The following LUZP2 variants were observed in gnomAD, a reference collection of about 807,000 sequenced individuals.
The protein encoded by LUZP2 is leucine zipper protein 2.
Under a neutral mutation model 51.6 loss-of-function variants are expected in LUZP2, and 52 were observed. That is an observed-to-expected ratio of 1.01 (90% confidence interval 0.81 to 1.27). The LOEUF (loss-of-function observed/expected upper bound fraction) is 1.27, where lower values mean the gene tolerates loss of function less well. Among genes scored for constraint, LUZP2 ranks in the 50% most tolerant of loss-of-function variants. The pLI is 0.00. For synonymous variants in LUZP2, 154 were observed against 137.3 expected, an observed-to-expected ratio of 1.12 and a Z score of -0.85; for missense variants, 436 against 395.4, an observed-to-expected ratio of 1.10 and a Z score of -0.87.
rs554682596 is a variant in LUZP2 at position 24,577,746 on chromosome 11, A to G, written c.62+80441A>G. On this transcript the variant is annotated intron_variant, in intron 1 of 11. Coordinates refer to ENST00000336930, the MANE Select transcript of LUZP2 (RefSeq NM_001009909.4). ...TCTAATTTACCCCCACCCCAGATTTATGAACTAATGATTGCTATTACACCT... is the reference window on the plus strand; with the variant it reads ...TCTAATTTACCCCCACCCCAGATTTGTGAACTAATGATTGCTATTACACCT... Among the ~76,000 whole-genome samples, 12 of 152,252 alleles carry G rather than the reference A, an allele frequency of 7.9e-5. No homozygotes were observed. In the East Asian group the frequency reaches 2.3e-3, roughly 29 times the overall value.
chr11:25,014,823 C>T (rs576771690), intron 9 of LUZP2, among the ~76,000 whole-genome samples: 77 of 152,096 alleles, frequency 5.1e-4, no homozygotes, highest in Non-Finnish European at 8.1e-4. Flanking sequence ...GAAGTCCTTG[C>T]CCATGCCTAT....
intron 3 of LUZP2, among the ~76,000 whole-genome samples, chr11:24,735,426 G>A (rs1286035515): frequency 6.6e-6 from 1 of 151,838 alleles, no homozygotes; most frequent in Admixed American, 6.6e-5. Context: ...ATGTCCTTGA[G>A]CAAAAGAGAA....
At chr11:24,826,477 A>G (rs555356858) in intron 5 of LUZP2, among the ~76,000 whole-genome samples, 11 of 151,740 alleles carry the variant, frequency 7.2e-5, no homozygotes, top group African/African-American at 1.7e-4. Context: ...GTAAATTCAC[A>G]GAACACTAGA....
intron 1 of LUZP2, among the ~76,000 whole-genome samples, chr11:24,543,823 CAAAAA>C (rs71041774): frequency 1.3e-5 from 1 of 75,592 alleles, no homozygotes; most frequent in African/African-American, 5.9e-5. Flanking sequence ...CTCTGTCTCA[CAAAAA>C]AAAAAAAAAA....
At position 24,607,341 on chromosome 11, in the gene LUZP2, CTTTTTTTTT is replaced by C. The variant is rs57741208; in HGVS notation, c.62+110057_62+110065del. Among the ~76,000 whole-genome samples, 582 of 63,352 alleles carry C rather than the reference CTTTTTTTTT, an allele frequency of 9.2e-3. 1 individual carries two copies. The highest frequency in any genetic ancestry group is 0.015 in the East Asian group (15 of 984). 41.6% of individuals were successfully genotyped at this position (63,352 alleles called of 152,430 possible). A position where few individuals can be genotyped will look rare whatever the true frequency, so the allele number is the denominator to read the frequency against. On this transcript the variant is annotated intron_variant, in intron 1 of 11. Transcript: ENST00000336930. ...GTGGTATAAGATGGGGATATTATGT[CTTTTTTTTT>C]TTTTTTTTTTTTTTTTTTTTGCTTG...
chr11:25,054,926 C>G (rs1009564116), intron 10 of LUZP2, among the ~76,000 whole-genome samples: 2 of 131,408 alleles, frequency 1.5e-5, no homozygotes, highest in East Asian at 2.2e-4. Context: ...ATAATAAGAC[C>G]AAAACATTGT....
At chr11:24,626,505 C>T (rs1206788065) in intron 1 of LUZP2, among the ~76,000 whole-genome samples, 1 of 152,130 alleles carries the variant, frequency 6.6e-6, no homozygotes, top group Admixed American at 6.6e-5. Context: ...TTCCTATTTC[C>T]TTTTCTGCTG....
intron 5 of LUZP2, among the ~76,000 whole-genome samples, chr11:24,878,951 A>C (rs1313712074): frequency 7.2e-6 from 1 of 138,864 alleles, no homozygotes; most frequent in Non-Finnish European, 1.6e-5. Flanking sequence ...ACATGATCTA[A>C]TTTATTTATT....
chr11:24,954,689 A>G (rs917068459), intron 7 of LUZP2, among the ~76,000 whole-genome samples: 3 of 152,092 alleles, frequency 2.0e-5, no homozygotes, highest in Non-Finnish European at 4.4e-5. Flanking sequence ...CAGGAAACTA[A>G]CAGGACCCTG....
At chr11:24,546,480 TA>T (rs555332892) in intron 1 of LUZP2, among the ~76,000 whole-genome samples, 1 of 151,978 alleles carries the variant, frequency 6.6e-6, no homozygotes, top group Non-Finnish European at 1.5e-5. Context: ...TTTTTTAACA[TA>T]AAAAAATGAA....
rs190177330 is a variant in LUZP2 at position 24,674,394 on chromosome 11, T to C, written c.63-54775T>C. ...ACGGTAACTTGATTTTCTCCTTCTA[T>C]GAAGCTTTTCCAGACAAGTGTCCCA... On this transcript the variant is annotated intron_variant, in intron 1 of 11. Coordinates refer to ENST00000336930, the MANE Select transcript of LUZP2 (RefSeq NM_001009909.4). Among the ~76,000 whole-genome samples the C allele has an allele frequency of 8.2e-4, 125 of 152,324 alleles. 1 individual carries two copies. Among genetic ancestry groups the C allele is most frequent in the African/African-American group, 2.9e-3 (120 of 41,580 alleles).
Position 24,972,138 on chromosome 11 carries a change from C to CAAAA in LUZP2, c.523-4453_523-4452insAAAA, listed in dbSNP as rs1565176253. Among the ~76,000 whole-genome samples, 4 of 3,738 alleles carry CAAAA rather than the reference C, an allele frequency of 1.1e-3. No individual in the cohort carries two copies. The Non-Finnish European group carries it at 0.017, about 16-fold the overall frequency. 2.5% of individuals were successfully genotyped at this position (3,738 alleles called of 152,430 possible). Reference sequence around the variant, plus strand: ...CCTGGGTGACAGCGGAGTGAGACTCCGAAAAAAAAAAAAAAAAAAAAAAAC... The same window carrying CAAAA: ...CCTGGGTGACAGCGGAGTGAGACTCCAAAAGAAAAAAAAAAAAAAAAAAAAAAAC... On this transcript the variant is annotated intron_variant, in intron 7 of 11. Coordinates refer to ENST00000336930, the MANE Select transcript of LUZP2 (RefSeq NM_001009909.4).
chr11:25,005,265 G>T (rs1005905535), intron 9 of LUZP2, among the ~76,000 whole-genome samples: 2 of 152,100 alleles, frequency 1.3e-5, no homozygotes, highest in Non-Finnish European at 2.9e-5. Context: ...GCTAGGATAT[G>T]GGGGTGAGCT....
At chr11:24,542,002 C>G (rs1228459540) in intron 1 of LUZP2, among the ~76,000 whole-genome samples, 1 of 151,900 alleles carries the variant, frequency 6.6e-6, no homozygotes, top group Non-Finnish European at 1.5e-5. Context: ...TATGTTTTCA[C>G]AGAATTAATG....
rs190052475 is a variant in LUZP2, at chr11:24,862,783, G to A, written c.397-43208G>A. 1.3e-3 allele frequency among the ~76,000 whole-genome samples: 203 copies of A among 152,212 alleles called. 2 individuals carry two copies. The highest frequency in any genetic ancestry group is 4.1e-3 in the African/African-American group (169 of 41,532). On this transcript the variant is annotated intron_variant, in intron 5 of 11. Transcript: ENST00000336930. ...CCATAAAGTAGGAAGACAACCTGCC[G>A]AATGGAATAAACTATTTCAAATTGT...
intron 1 of LUZP2, among the ~76,000 whole-genome samples, chr11:24,539,668 T>C (rs1226139606): frequency 6.6e-6 from 1 of 151,966 alleles, no homozygotes; most frequent in Non-Finnish European, 1.5e-5. Flanking sequence ...AAGTAATCAA[T>C]AGTGACAGAA....
chr11:24,508,034 C>A (rs999863914), intron 1 of LUZP2, among the ~76,000 whole-genome samples: 2 of 151,446 alleles, frequency 1.3e-5, no homozygotes, highest in South Asian at 2.1e-4. Flanking sequence ...TTATATAATA[C>A]CATCAACCAG....
chr11:24,699,082 C>T (rs1443840429), intron 1 of LUZP2, among the ~76,000 whole-genome samples: 6 of 118,770 alleles, frequency 5.1e-5, no homozygotes, highest in Admixed American at 9.5e-5. Context: ...AAACAAACCA[C>T]AGAAACACAC....
intron 9 of LUZP2, among the ~76,000 whole-genome samples, chr11:25,023,014 G>A (rs1857384546): frequency 6.6e-6 from 1 of 152,090 alleles, no homozygotes. Context: ...TGATTATGGT[G>A]GATAAACTTT....
Sources: allele counts gnomAD v4.1 joint callset (sites outside exome capture counted in the v4.1 genomes callset), GRCh38; gene constraint gnomAD v4.1.1; transcripts MANE v1.5; gene names NCBI Gene and HGNC (gene_info 2026-07-23, HGNC 2026-07-21).